The following FOXP1 variants were observed in gnomAD, a reference collection of about 807,000 sequenced individuals.
FOXP1 encodes the protein forkhead box P1.
Under a neutral mutation model 98.2 loss-of-function variants are expected in FOXP1, and 15 were observed. That is an observed-to-expected ratio of 0.15 (90% CI 0.10 to 0.24). The LOEUF is 0.24. Ranked by LOEUF, FOXP1 falls within the 10% of genes least tolerant of loss-of-function variation. The pLI is 1.00. For synonymous variants in FOXP1, 371 were observed against 314.5 expected (o/e 1.18, Z -1.90); for missense variants, 633 against 848.5 (o/e 0.75, Z 3.15).
chr3:71,176,720 G>C (rs1290251182), intron 6 of FOXP1, among the ~76,000 whole-genome samples: 1 of 138,544 alleles, frequency 7.2e-6, no homozygotes, highest in African/African-American at 2.9e-5. Flanking sequence ...CTCCAGCCAG[G>C]GCAACAGAGC....
In FOXP1 at chr3:71,329,545, C is replaced by T. The variant is rs545992385; in HGVS notation, c.-73+29605G>A. ...CAAAGTCTAGACCTCTTAAATCTCA[C>T]AACACAGGGTTGTCCCAGGGCATCA... On this transcript the variant is annotated intron_variant, in intron 4 of 20. Coordinates refer to ENST00000649528, the MANE Select transcript of FOXP1 (RefSeq NM_001349338.3). Among the ~76,000 whole-genome samples the T allele has an allele frequency of 2.3e-3, 342 of 149,262 alleles. 2 individuals carry two copies. The highest frequency in any genetic ancestry group is 8.0e-3 in the African/African-American group (323 of 40,244).
intron 2 of FOXP1, among the ~76,000 whole-genome samples, chr3:71,499,444 G>A (rs1050386530): frequency 3.9e-5 from 6 of 152,100 alleles, no homozygotes; most frequent in African/African-American, 1.4e-4. Context: ...ATATAAACAC[G>A]CACAAGTATA....
At chr3:71,471,139 T>A (rs1307418382) in intron 3 of FOXP1, among the ~76,000 whole-genome samples, 1 of 152,226 alleles carries the variant, frequency 6.6e-6, no homozygotes, top group Non-Finnish European at 1.5e-5. Context: ...CATCCTACTG[T>A]GTGCTAGATG....
intron 6 of FOXP1, among the ~76,000 whole-genome samples, chr3:71,115,317 TTTTATTTATTTATTTA>T (rs10563814): frequency 1.4e-5 from 2 of 144,140 alleles, no homozygotes; most frequent in Admixed American, 6.9e-5. Context: ...ATTATTATTA[TTTTATTTATTTATTTA>T]TTTATTTATT....
chr3:71,404,117 T>TTCTTG (rs1283800230), intron 3 of FOXP1, among the ~76,000 whole-genome samples: 3 of 73,900 alleles, frequency 4.1e-5, no homozygotes, highest in Non-Finnish European at 1.1e-4. Context: ...TTCTTTTCTT[T>TTCTTG]TTCTTTTTTT....
chr3:70,991,850 A>T (rs1473832353), intron 13 of FOXP1, among the ~76,000 whole-genome samples: 5 of 152,226 alleles, frequency 3.3e-5, no homozygotes, highest in Non-Finnish European at 7.3e-5. Flanking sequence ...CAGTTGTATG[A>T]TGCTTGGTCT....
chr3:71,177,325 G>A (rs1280261609), intron 6 of FOXP1, among the ~76,000 whole-genome samples: 3 of 152,198 alleles, frequency 2.0e-5, no homozygotes, highest in South Asian at 2.1e-4. Flanking sequence ...GAAAATAGGA[G>A]AGGGTGGAAA....
At chr3:71,410,677 A>G (rs555135890) in intron 3 of FOXP1, among the ~76,000 whole-genome samples, 176 of 152,232 alleles carry the variant, frequency 1.2e-3, no homozygotes, top group African/African-American at 4.0e-3. Flanking sequence ...TTCCCCAAAC[A>G]CTGATTTTAC....
At chr3:70,990,098 T>G (rs544557472) in intron 13 of FOXP1, among the ~76,000 whole-genome samples, 3 of 152,332 alleles carry the variant, frequency 2.0e-5, no homozygotes, top group African/African-American at 7.2e-5. Context: ...CTGAGAGTTA[T>G]CCAGGAACCT....
chr3:71,302,021 T>C (rs2073885995), intron 4 of FOXP1, among the ~76,000 whole-genome samples: 1 of 152,204 alleles, frequency 6.6e-6, no homozygotes, highest in African/African-American at 2.4e-5. Flanking sequence ...CACTTATACA[T>C]AAAAAATGGG....
intron 5 of FOXP1, among the ~76,000 whole-genome samples, chr3:71,269,613 G>A (rs1483195222): frequency 6.6e-6 from 1 of 152,102 alleles, no homozygotes; most frequent in Non-Finnish European, 1.5e-5. Context: ...CAACATGTAA[G>A]TAAATCAAAG....
chr3:71,580,229 C>A (rs1351341323), intron 2 of FOXP1, among the ~76,000 whole-genome samples: 2 of 150,136 alleles, frequency 1.3e-5, no homozygotes, highest in Admixed American at 6.6e-5. Context: ...AATGACTAAT[C>A]CAAAGTCTAA....
intron 4 of FOXP1, among the ~76,000 whole-genome samples, chr3:71,358,370 A>G (rs2078313712): frequency 6.6e-6 from 1 of 152,204 alleles, no homozygotes; most frequent in Admixed American, 6.5e-5. Context: ...ATTACTCAGA[A>G]AATAAGAGAG....
chr3:71,166,506 A>C (rs1427808629), intron 6 of FOXP1, among the ~76,000 whole-genome samples: 1 of 152,216 alleles, frequency 6.6e-6, no homozygotes, highest in Non-Finnish European at 1.5e-5. Flanking sequence ...ACTTGTTTAC[A>C]TGTGTTTGGC....
intron 9 of FOXP1, among the ~76,000 whole-genome samples, chr3:71,052,058 A>G (rs1576447835): frequency 6.6e-6 from 1 of 152,204 alleles, no homozygotes; most frequent in African/African-American, 2.4e-5. Context: ...TAAACAAAAG[A>G]TGTGGATGTT....
chr3:71,501,491 C>T (rs2041355172), intron 2 of FOXP1, among the ~76,000 whole-genome samples: 1 of 151,984 alleles, frequency 6.6e-6, no homozygotes. Flanking sequence ...AAGAGGGTTT[C>T]ACCATGTTGG....
chr3:71,576,055 C>T (rs894451116), intron 2 of FOXP1, among the ~76,000 whole-genome samples: 18 of 152,318 alleles, frequency 1.2e-4, no homozygotes, highest in Non-Finnish European at 2.5e-4. Flanking sequence ...CTAAGCAAAT[C>T]TATTCTATTG....
intron 4 of FOXP1, among the ~76,000 whole-genome samples, chr3:71,341,163 A>G (rs1450413641): frequency 1.3e-5 from 2 of 152,184 alleles, no homozygotes; most frequent in East Asian, 1.9e-4. Flanking sequence ...ACTTCCACCT[A>G]ATGACAACAG....
At chr3:71,056,599 T>C (rs1576476380) in intron 7 of FOXP1, among the ~76,000 whole-genome samples, 2 of 152,292 alleles carry the variant, frequency 1.3e-5, no homozygotes, top group South Asian at 4.1e-4. Flanking sequence ...AAGTGGGCTA[T>C]TATATCCTGA....
Sources: allele counts gnomAD v4.1 joint callset (sites outside exome capture counted in the v4.1 genomes callset), GRCh38; gene constraint gnomAD v4.1.1; transcripts MANE v1.5; gene names NCBI Gene and HGNC (gene_info 2026-07-23, HGNC 2026-07-21).